Variants in DLG2 observed in about 807,000 individuals in gnomAD.
DLG2 encodes the protein disks large homolog 2.
DLG2 carries 45 observed loss-of-function variants against 132.5 expected under a neutral mutation model. The ratio of observed to expected loss-of-function variants is 0.34; its 90% CI spans 0.27 to 0.44. DLG2 has a LOEUF of 0.44. Ranked by LOEUF, DLG2 falls within the 20% of genes least tolerant of loss-of-function variation. DLG2 has a pLI of 1.00. For missense variants in DLG2, 1,045 were observed against 1,196.9 expected (o/e 0.87, Z 1.87); for synonymous variants, 424 against 419.6 (o/e 1.01, Z -0.13).
intron 21 of DLG2, chr11:83,486,129 G>C (rs1223318797): frequency 3.3e-6 from 2 of 604,806 alleles, no homozygotes; most frequent in Non-Finnish European, 5.8e-6. Context: ...CAAAAACAAG[G>C]TTGAGAACTG....
At chr11:84,958,098 T>C (rs1051780083) in intron 6 of DLG2, among the ~76,000 whole-genome samples, 1 of 152,218 alleles carries the variant, frequency 6.6e-6, no homozygotes, top group African/African-American at 2.4e-5. Context: ...TTTAATATTA[T>C]GTTTGAAGCA....
At chr11:84,101,334 A>T (rs2092506017) in intron 9 of DLG2, among the ~76,000 whole-genome samples, 1 of 152,154 alleles carries the variant, frequency 6.6e-6, no homozygotes, top group African/African-American at 2.4e-5. Flanking sequence ...AAGCAAGAAG[A>T]ATTGGATAGA....
intron 6 of DLG2, among the ~76,000 whole-genome samples, chr11:84,714,631 C>CTT (rs2060963412): frequency 2.2e-5 from 3 of 135,634 alleles, no homozygotes; most frequent in African/African-American, 9.6e-5. Context: ...CTTTCTCTCT[C>CTT]TCTCTCTCTC....
intron 6 of DLG2, among the ~76,000 whole-genome samples, chr11:84,591,670 A>T (rs1413208540): frequency 6.6e-6 from 1 of 151,864 alleles, no homozygotes; most frequent in Non-Finnish European, 1.5e-5. Flanking sequence ...CAAAAAAATT[A>T]AAAAAATAAA....
At chr11:85,590,630 A>G (rs75356744) in intron 3 of DLG2, among the ~76,000 whole-genome samples, 4 of 151,516 alleles carry the variant, frequency 2.6e-5, no homozygotes, top group African/African-American at 9.7e-5. Flanking sequence ...AATTTTTTTT[A>G]TATTCTCTCT....
chr11:83,926,404 AC>A (rs1292214199), intron 15 of DLG2, among the ~76,000 whole-genome samples: 2 of 152,128 alleles, frequency 1.3e-5, no homozygotes, highest in African/African-American at 4.8e-5. Context: ...TCTGGAATAG[AC>A]TTCAGGAATT....
At chr11:85,372,847 T>C (rs2085096616) in intron 3 of DLG2, among the ~76,000 whole-genome samples, 1 of 152,172 alleles carries the variant, frequency 6.6e-6, no homozygotes, top group Non-Finnish European at 1.5e-5. Flanking sequence ...GAAGTACCCC[T>C]GGTATCTGTT....
rs60234902 is a variant in DLG2, at chr11:84,199,374, A to G, written c.574-35863T>C. On this transcript the variant is annotated intron_variant, in intron 8 of 27. Transcript: ENST00000376104. Reference sequence around the variant, plus strand: ...TTACCAAATGTAGGGCAGAGCTCTCACTCTCTGGGAAAAACGTTTTCCTAT... The same window carrying G: ...TTACCAAATGTAGGGCAGAGCTCTCGCTCTCTGGGAAAAACGTTTTCCTAT... 4.5e-3 allele frequency among the ~76,000 whole-genome samples: 678 copies of G among 152,188 alleles called. 4 individuals are homozygous for G. The highest frequency in any genetic ancestry group is 0.015 in the African/African-American group (638 of 41,544).
chr11:83,993,567 C>T (rs1446712113), intron 11 of DLG2, among the ~76,000 whole-genome samples: 5 of 152,110 alleles, frequency 3.3e-5, no homozygotes, highest in Non-Finnish European at 7.4e-5. Context: ...AATAGTCAAA[C>T]CACAAGTTGA....
At chr11:84,184,134 C>T (rs907099042) in intron 8 of DLG2, among the ~76,000 whole-genome samples, 9 of 152,142 alleles carry the variant, frequency 5.9e-5, no homozygotes, top group African/African-American at 1.9e-4. Flanking sequence ...AGTTCTAGAT[C>T]CCTGAGGAAT....
At chr11:85,273,999 A>G (rs2077717340) in intron 4 of DLG2, among the ~76,000 whole-genome samples, 1 of 152,182 alleles carries the variant, frequency 6.6e-6, no homozygotes, top group African/African-American at 2.4e-5. Context: ...GCAAACTATC[A>G]CAAGAACAGA....
intron 4 of DLG2, among the ~76,000 whole-genome samples, chr11:85,266,593 G>A (rs1326938236): frequency 6.6e-6 from 1 of 151,080 alleles, no homozygotes; most frequent in Admixed American, 6.6e-5. Context: ...ATGTATCCCA[G>A]AACTTAAAGT....
At chr11:84,841,283 C>T (rs546929588) in intron 6 of DLG2, among the ~76,000 whole-genome samples, 122 of 152,018 alleles carry the variant, frequency 8.0e-4, no homozygotes, top group Middle Eastern at 3.4e-3. Flanking sequence ...CCCAGTTTTG[C>T]TGTGCCTATT....
chr11:85,471,665 G>A (rs1417883879), intron 3 of DLG2, among the ~76,000 whole-genome samples: 1 of 152,010 alleles, frequency 6.6e-6, no homozygotes, highest in Non-Finnish European at 1.5e-5. Flanking sequence ...AAGAGATAGA[G>A]ATAAAAAAGC....
At chr11:85,340,926 GA>G (rs1183273668) in intron 3 of DLG2, among the ~76,000 whole-genome samples, 1 of 152,134 alleles carries the variant, frequency 6.6e-6, no homozygotes, top group East Asian at 1.9e-4. Context: ...AATTTGGAGT[GA>G]ACTTTTGTGT....
intron 4 of DLG2, among the ~76,000 whole-genome samples, chr11:85,178,515 A>C (rs1000462288): frequency 1.3e-5 from 2 of 151,966 alleles, no homozygotes; most frequent in African/African-American, 4.8e-5. Context: ...CAAAATTAGT[A>C]ATCAGAATGT....
chr11:84,649,567 T>G (rs1282245485), intron 6 of DLG2, among the ~76,000 whole-genome samples: 2 of 152,198 alleles, frequency 1.3e-5, no homozygotes, highest in Non-Finnish European at 2.9e-5. Flanking sequence ...GGCTATGATT[T>G]GTGTGTTTTG....
intron 3 of DLG2, among the ~76,000 whole-genome samples, chr11:85,389,200 A>T (rs2086596195): frequency 6.6e-6 from 1 of 152,200 alleles, no homozygotes; most frequent in Admixed American, 6.5e-5. Context: ...CACTTAAAGA[A>T]ATACAAAATG....
At chr11:85,087,475 C>T (rs2068084978) in intron 6 of DLG2, among the ~76,000 whole-genome samples, 1 of 152,196 alleles carries the variant, frequency 6.6e-6, no homozygotes, top group South Asian at 2.1e-4. Flanking sequence ...TCTTCCAAAA[C>T]TGAAAGAAAA....
Sources: allele counts gnomAD v4.1 joint callset (sites outside exome capture counted in the v4.1 genomes callset), GRCh38; gene constraint gnomAD v4.1.1; transcripts MANE v1.5; gene names NCBI Gene and HGNC (gene_info 2026-07-23, HGNC 2026-07-21).